The following SERPINH1 variants were observed in gnomAD, a reference collection of about 807,000 sequenced individuals.
SERPINH1 encodes serpin family H member 1.
In SERPINH1, 22 loss-of-function variants were observed where a neutral mutation model predicts 32.3. The ratio of observed to expected loss-of-function variants is 0.68; its 90% CI spans 0.49 to 0.97. The LOEUF (loss-of-function observed/expected upper bound fraction) is 0.97, where lower values mean the gene tolerates loss of function less well. SERPINH1 is among the 50% of genes least tolerant of loss of function. The pLI, the probability that SERPINH1 is intolerant of heterozygous loss-of-function variation, is 0.00. For missense variants in SERPINH1, 543 were observed against 576.4 expected, an observed-to-expected ratio of 0.94 and a Z score of 0.59; for synonymous variants, 251 against 245.9, an observed-to-expected ratio of 1.02 and a Z score of -0.19.
rs771513145 is a variant in SERPINH1 at position 75,566,406 on chromosome 11, C to T, written c.57C>T (p.Ala19=). 4.3e-6 allele frequency: 7 copies of T among 1,610,926 alleles called. No individual in the cohort carries two copies. In the African/African-American group the frequency reaches 5.3e-5, roughly 12 times the overall value. Residue 19 remains alanine (A), a synonymous_variant, in exon 2 of 5, where the codon GCC becomes GCT. Coordinates refer to ENST00000358171, the MANE Select transcript of SERPINH1 (RefSeq NM_001235.5). ...GCCTCCTGGAGGCGGCCCTGGCCGCCGAGGTGAAGAAACCTGCAGCCGCAG... is the reference window on the plus strand; with the variant it reads ...GCCTCCTGGAGGCGGCCCTGGCCGCTGAGGTGAAGAAACCTGCAGCCGCAG... ...AFCLLEAALA[A]EVKKPAAAAA... is the part of the protein sequence containing the mutation.
chr11:75,572,249 T>C lies in SERPINH1; in HGVS notation c.*166T>C. 1.4e-6 allele frequency: 1 copy of C among 696,768 alleles called. No individual in the cohort carries two copies. Among genetic ancestry groups the C allele is most frequent in the Non-Finnish European group, 2.5e-6 (1 of 392,522 alleles). 43.2% of individuals were successfully genotyped at this position (696,768 alleles called of 1,614,324 possible). The stretch of plus-strand genomic sequence containing the variant: ...GTGTGCCTGAGCGGACCTTCCCAGC[T>C]AGAATTCACTCCACTTGGACATGGG... On this transcript the variant is annotated 3_prime_UTR_variant, in exon 5 of 5. Transcript: ENST00000358171.
rs751588882 is a variant in SERPINH1 at position 75,566,377 on chromosome 11, T to G, written c.28T>G (p.Phe10Val). 20 of 1,610,416 alleles carry G rather than the reference T, an allele frequency of 1.2e-5. No homozygotes were observed. In the South Asian group the frequency reaches 2.1e-4, roughly 17 times the overall value. Residue 10 changes from phenylalanine to valine, a missense_variant, in exon 2 of 5, where the codon TTC becomes GTC. Transcript: ENST00000358171. MRSLLLLSAFCLLEAALAAE... is the reference protein window; with the variant it reads MRSLLLLSAVCLLEAALAAE... ...GCGCTCCCTCCTGCTTCTCAGCGCC[T>G]TCTGCCTCCTGGAGGCGGCCCTGGC...
In SERPINH1 at chr11:75,567,725, G is replaced by A. The variant is rs544011726; in HGVS notation, c.622+754G>A. ...AAGGAGGAAGCAGAGCCAGGCCTCA[G>A]GCCCAGATGCCTCTGTCTTCAGTTG... On this transcript the variant is annotated intron_variant, in intron 2 of 4. Transcript: ENST00000358171. 3 of 152,430 alleles carry A rather than the reference G, an allele frequency of 2.0e-5. No homozygotes were observed. In the South Asian group the frequency reaches 6.2e-4, roughly 32 times the overall value. 9.4% of individuals were successfully genotyped at this position (152,430 alleles called of 1,614,324 possible). A position where few individuals can be genotyped will look rare whatever the true frequency, so the allele number is the denominator to read the frequency against.
At chr11:75,567,775 TA>T (rs1270716918) in intron 2 of SERPINH1, 4 of 152,212 alleles carry the variant, frequency 2.6e-5, no homozygotes, top group African/African-American at 9.7e-5. Context: ...GGTTAATAAA[TA>T]TTTTTGAGTA....
At chr11:75,567,773 A>C (rs990800058) in intron 2 of SERPINH1, 4 of 152,190 alleles carry the variant, frequency 2.6e-5, no homozygotes, top group African/African-American at 4.8e-5. Flanking sequence ...AGGGTTAATA[A>C]ATATTTTTGA....
rs1473004773 is a variant in SERPINH1, at chr11:75,572,518, G to C, written c.*435G>C. On this transcript the variant is annotated 3_prime_UTR_variant, in exon 5 of 5. Transcript: ENST00000358171. ...CCAACCTCTCCCAACTATAAAACTA[G>C]GTGCTGCAGCCCCTGGGACCAGGCA... The C allele has an allele frequency of 4.1e-6, 1 of 242,620 alleles. No individual in the cohort carries two copies. The allele number at this position is 242,620 out of a possible 1,614,324, so 15.0% of individuals were successfully genotyped here.
Position 75,564,035 on chromosome 11 carries a change from T to C in SERPINH1, c.-35+1716T>C, listed in dbSNP as rs918702468. Among the ~76,000 whole-genome samples the C allele has an allele frequency of 3.3e-5, 5 of 152,338 alleles. No individual in the cohort carries two copies. In the South Asian group the frequency reaches 1.0e-3, roughly 32 times the overall value. On this transcript the variant is annotated intron_variant, in intron 1 of 4. Coordinates refer to ENST00000358171, the MANE Select transcript of SERPINH1 (RefSeq NM_001235.5). ...TTCCTGCTGCTGGGTTCAGTGGGGC[T>C]GCCCTTCTCCCCAGTAGCGCATTTC...
Position 75,568,995 on chromosome 11 carries a change from C to A in SERPINH1, c.778C>A (p.Leu260Met). The change falls in exon 4 of 5, where the codon CTG becomes ATG. Residue 260 changes from leucine to methionine, a missense_variant. Physicochemically the swap from Leu to Met is conservative, Grantham distance 15. This residue lies in a region of SERPINH1 where 427 missense variants were observed against 446.4 expected (regional missense o/e 0.96). Coordinates refer to ENST00000358171, the MANE Select transcript of SERPINH1 (RefSeq NM_001235.5). ...AAAGCTGCAAATCGTGGAGATGCCC[C>A]TGGCCCACAAGCTCTCCAGCCTCAT... Reference protein sequence around the residue: ...KEKLQIVEMPLAHKLSSLIIL... With the variant: ...KEKLQIVEMPMAHKLSSLIIL... 1 of 1,614,194 alleles carries A rather than the reference C, an allele frequency of 6.2e-7. No homozygotes were observed.
chr11:75,570,829 C>A (rs529903406), intron 4 of SERPINH1, among the ~76,000 whole-genome samples: 1 of 152,224 alleles, frequency 6.6e-6, no homozygotes, highest in Non-Finnish European at 1.5e-5. Flanking sequence ...AGACTGATAA[C>A]AGGAAGGTCC....
chr11:75,568,905 A>G (rs1942145771), intron 3 of SERPINH1, 34 bp from the exon 4 acceptor site: 1 of 1,600,288 alleles, frequency 6.2e-7, no homozygotes, highest in Non-Finnish European at 8.6e-7. Flanking sequence ...CCCTGCACAC[A>G]GGGTGCCCAG....
chr11:75,568,516 G>T (rs776557469), intron 2 of SERPINH1: 14 of 621,874 alleles, frequency 2.3e-5, no homozygotes, highest in Non-Finnish European at 3.8e-5. Context: ...GTAGGGAACC[G>T]CATCCTCAGA....
At chr11:75,562,403 A>C (rs1941994020) in intron 1 of SERPINH1, 84 bp downstream of exon 1, 1 of 151,990 alleles carries the variant, frequency 6.6e-6, no homozygotes, top group African/African-American at 2.4e-5. Context: ...AAGAGGGGCG[A>C]GGGGACCCTG....
Position 75,572,543 on chromosome 11 carries a change from AC to A in SERPINH1, c.*465del, listed in dbSNP as rs981298851. The A allele has an allele frequency of 1.9e-4, 41 of 211,986 alleles. No homozygotes were observed. Among genetic ancestry groups the A allele is most frequent in the African/African-American group, 9.1e-4 (40 of 43,904 alleles). The allele number at this position is 211,986 out of a possible 1,614,324, so 13.1% of individuals were successfully genotyped here. A position where few individuals can be genotyped will look rare whatever the true frequency, so the allele number is the denominator to read the frequency against. On this transcript the variant is annotated 3_prime_UTR_variant, in exon 5 of 5. Transcript: ENST00000358171. ...GGTGCTGCAGCCCCTGGGACCAGGC[AC>A]CCCCAGAATGACCTGGCCGCAGTGA...
chr11:75,568,453 T>A (rs1490361071), intron 2 of SERPINH1: 4 of 501,392 alleles, frequency 8.0e-6, no homozygotes, highest in Non-Finnish European at 1.5e-5. Flanking sequence ...TAGAGGTGGC[T>A]GACCTGAGGG....
intron 2 of SERPINH1, 127 bp from the exon 3 acceptor site, chr11:75,568,604 C>T: frequency 2.8e-6 from 2 of 715,522 alleles, no homozygotes; most frequent in Non-Finnish European, 5.0e-6. Flanking sequence ...ATAGCTGGGC[C>T]CTGAAGAATG....
At chr11:75,568,249 A>C (rs983855721) in intron 2 of SERPINH1, 2 of 221,294 alleles carry the variant, frequency 9.0e-6, no homozygotes, top group Admixed American at 1.0e-4. Flanking sequence ...TGATTGTACC[A>C]CTGCACTCCA....
intron 4 of SERPINH1, among the ~76,000 whole-genome samples, chr11:75,569,857 G>C (rs997992935): frequency 6.6e-6 from 1 of 152,178 alleles, no homozygotes; most frequent in African/African-American, 2.4e-5. Flanking sequence ...TAGTAATTCA[G>C]ACATCTTGCA....
intron 4 of SERPINH1, 25 bp downstream of exon 4, chr11:75,569,196 C>A: frequency 1.3e-6 from 2 of 1,552,604 alleles, no homozygotes; most frequent in Non-Finnish European, 1.8e-6. Flanking sequence ...AGCCTAGGGG[C>A]CTGCAGGCCT....
In SERPINH1 at chr11:75,566,767, G is replaced by C. The variant is rs148088085; in HGVS notation, c.418G>C (p.Val140Leu). The stretch of plus-strand genomic sequence containing the variant: ...CAGCCGACTGTACGGACCCAGCTCA[G>C]TGAGCTTCGCTGATGACTTCGTGCG... ...LGSRLYGPSS[V>L]SFADDFVRSS... The change falls in exon 2 of 5, where the codon GTG becomes CTG. Residue 140 changes from valine to leucine, a missense_variant. By Grantham distance (32) the Val-to-Leu change is conservative (BLOSUM62 1). This residue lies in a region of SERPINH1 where 427 missense variants were observed against 446.4 expected (regional missense o/e 0.96). Transcript: ENST00000358171. 1 of 1,613,272 alleles carries C rather than the reference G, an allele frequency of 6.2e-7. No homozygotes were observed.
Sources: allele counts gnomAD v4.1 joint callset (sites outside exome capture counted in the v4.1 genomes callset), GRCh38; gene constraint gnomAD v4.1.1; regional missense constraint gnomAD v4.1.1; transcripts MANE v1.5; gene names NCBI Gene and HGNC (gene_info 2026-07-23, HGNC 2026-07-21).